PRKN: variants seen among roughly 807,000 people sequenced by gnomAD.
PRKN encodes the protein E3 ubiquitin-protein ligase parkin.
A neutral mutation model predicts 59.5 loss-of-function variants in PRKN; 56 were observed. The ratio of observed to expected loss-of-function variants is 0.94; its 90% CI spans 0.76 to 1.18. The LOEUF (loss-of-function observed/expected upper bound fraction) is 1.18, where lower values mean the gene tolerates loss of function less well. Ranked by LOEUF, PRKN falls within the 50% of genes most tolerant of loss-of-function variation. The pLI is 0.00. For missense variants in PRKN, 657 were observed against 596.4 expected (o/e 1.10, Z -1.06); for synonymous variants, 250 against 222.1 (o/e 1.13, Z -1.12).
chr6:162,570,711 G>A (rs1335273461), intron 1 of PRKN, among the ~76,000 whole-genome samples: 1 of 152,096 alleles, frequency 6.6e-6, no homozygotes, highest in African/African-American at 2.4e-5. Context: ...GCCAGGCAGA[G>A]AAAGACAAAC....
chr6:162,250,983 C>T (rs1779409452), intron 3 of PRKN, among the ~76,000 whole-genome samples: 2 of 152,030 alleles, frequency 1.3e-5, no homozygotes, highest in South Asian at 4.1e-4. Flanking sequence ...TGGATTATCC[C>T]ATCTTGGGAC....
chr6:162,568,518 CT>C lies in PRKN; in HGVS notation c.8-125046del. 3 of 715,476 alleles carry C rather than the reference CT, an allele frequency of 4.2e-6. No homozygotes were observed. In the Admixed American group the frequency reaches 5.6e-5, roughly 13 times the overall value. 44.3% of individuals were successfully genotyped at this position (715,476 alleles called of 1,614,324 possible). A position where few individuals can be genotyped will look rare whatever the true frequency, so the allele number is the denominator to read the frequency against. Reference sequence around the variant, plus strand: ...CACCGCCGTTGTGGTCAACCAGAGACTGCTGAGCCTCCTTAACCTGGAGGTG... The same window carrying C: ...CACCGCCGTTGTGGTCAACCAGAGACGCTGAGCCTCCTTAACCTGGAGGTG... On this transcript the variant is annotated intron_variant, in intron 1 of 11. Coordinates refer to ENST00000366898, the MANE Select transcript of PRKN (RefSeq NM_004562.3).
intron 5 of PRKN, among the ~76,000 whole-genome samples, chr6:162,044,751 A>T (rs930767864): frequency 4.6e-5 from 7 of 152,122 alleles, no homozygotes; most frequent in African/African-American, 1.4e-4. Flanking sequence ...AACCATGCCA[A>T]CATCACCACC....
At chr6:161,398,648 C>G (rs989317441) in intron 9 of PRKN, among the ~76,000 whole-genome samples, 1 of 152,174 alleles carries the variant, frequency 6.6e-6, no homozygotes, top group African/African-American at 2.4e-5. Flanking sequence ...ATTCACCTCT[C>G]CCTTGCTCTA....
chr6:161,708,153 C>CT lies in PRKN; in HGVS notation c.871+77618dup, dbSNP rs141516802. ...ATTATAATGATAGAATTAGTGAATA[C>CT]TAAGTTTAGTGAGAAGACCAGAATA... On this transcript the variant is annotated intron_variant, in intron 7 of 11. Transcript: ENST00000366898. Among the ~76,000 whole-genome samples, 413 of 152,094 alleles carry CT rather than the reference C, an allele frequency of 2.7e-3. 5 individuals are homozygous for CT. In the East Asian group the frequency reaches 0.033, roughly 12 times the overall value.
At chr6:162,718,868 C>A (rs1432743348) in intron 1 of PRKN, among the ~76,000 whole-genome samples, 1 of 152,128 alleles carries the variant, frequency 6.6e-6, no homozygotes, top group African/African-American at 2.4e-5. Flanking sequence ...TTGGTGACTT[C>A]TTTGAAATCA....
intron 4 of PRKN, among the ~76,000 whole-genome samples, chr6:162,102,293 G>A (rs1477571117): frequency 6.6e-6 from 1 of 152,072 alleles, no homozygotes; most frequent in Non-Finnish European, 1.5e-5. Context: ...GCGGTGTCTG[G>A]TTTTCTGTTC....
At position 161,428,226 on chromosome 6, in the gene PRKN, T is replaced by C. The variant is rs1256203985; in HGVS notation, c.1084-41349A>G. On this transcript the variant is annotated intron_variant, in intron 9 of 11. Coordinates refer to ENST00000366898, the MANE Select transcript of PRKN (RefSeq NM_004562.3). The surrounding 1 kb of genome is among the most constrained non-coding windows in gnomAD (Gnocchi z 4.0). ...TCACATTCTGAATGAAATACATTAA[T>C]AACTGGCTTAAAAGAATCCAATCCT... Among the ~76,000 whole-genome samples, 1 of 152,202 alleles carries C rather than the reference T, an allele frequency of 6.6e-6. No homozygotes were observed. Among genetic ancestry groups the C allele is most frequent in the African/African-American group, 2.4e-5 (1 of 41,448 alleles).
At chr6:161,421,749 A>C (rs553100391) in intron 9 of PRKN, among the ~76,000 whole-genome samples, 1 of 152,328 alleles carries the variant, frequency 6.6e-6, no homozygotes, top group African/African-American at 2.4e-5. Flanking sequence ...TGCAGGGTCT[A>C]CACAGAAGAA....
In PRKN at chr6:161,874,566, A is replaced by T. The variant is rs1321621869; in HGVS notation, c.735-88658T>A. Among the ~76,000 whole-genome samples the T allele has an allele frequency of 5.4e-4, 60 of 111,752 alleles. 6 individuals are homozygous for T. Among genetic ancestry groups the T allele is most frequent in the African/African-American group, 2.1e-3 (57 of 26,864 alleles). 73.3% of individuals were successfully genotyped at this position (111,752 alleles called of 152,430 possible). ...TATGTAAAATATATATTATATATAAAATATATATTATGTAAAATATATATT... is the reference window on the plus strand; with the variant it reads ...TATGTAAAATATATATTATATATAATATATATATTATGTAAAATATATATT... On this transcript the variant is annotated intron_variant, in intron 6 of 11. Coordinates refer to ENST00000366898, the MANE Select transcript of PRKN (RefSeq NM_004562.3).
intron 7 of PRKN, chr6:161,783,646 T>C (rs1467187520): frequency 2.0e-6 from 1 of 503,456 alleles, no homozygotes; most frequent in African/African-American, 2.0e-5. Flanking sequence ...TGTTTAGAAA[T>C]GTTTCTATTG....
At chr6:161,351,959 A>G (rs1784567938) in intron 11 of PRKN, among the ~76,000 whole-genome samples, 1 of 152,200 alleles carries the variant, frequency 6.6e-6, no homozygotes, top group Non-Finnish European at 1.5e-5. Context: ...TGTTAAACAT[A>G]GACTCCATGA....
chr6:162,164,506 C>T (rs1782896529), intron 4 of PRKN, among the ~76,000 whole-genome samples: 1 of 149,042 alleles, frequency 6.7e-6, no homozygotes, highest in South Asian at 2.1e-4. Context: ...GCCACCATGC[C>T]TGGCCTAATC....
intron 1 of PRKN, among the ~76,000 whole-genome samples, chr6:162,460,667 G>A (rs1484505255): frequency 2.0e-5 from 3 of 152,130 alleles, no homozygotes; most frequent in African/African-American, 7.2e-5. Context: ...GAATGAATGT[G>A]CATTCACTTC....
intron 2 of PRKN, among the ~76,000 whole-genome samples, chr6:162,307,471 T>C (rs1782286523): frequency 6.6e-6 from 1 of 150,632 alleles, no homozygotes; most frequent in Admixed American, 6.6e-5. Context: ...ATGTATTATG[T>C]ACATAATAAA....
chr6:161,892,791 T>C (rs1357596602), intron 6 of PRKN, among the ~76,000 whole-genome samples: 1 of 152,204 alleles, frequency 6.6e-6, no homozygotes, highest in African/African-American at 2.4e-5. Context: ...GGTCATTTTG[T>C]GAAATTGGTC....
At chr6:162,596,087 A>G (rs1465067581) in intron 1 of PRKN, among the ~76,000 whole-genome samples, 1 of 152,204 alleles carries the variant, frequency 6.6e-6, no homozygotes, top group East Asian at 1.9e-4. Context: ...AGATATCAAG[A>G]AGTCAAGACT....
At chr6:161,715,639 T>C (rs1483846842) in intron 7 of PRKN, among the ~76,000 whole-genome samples, 1 of 152,204 alleles carries the variant, frequency 6.6e-6, no homozygotes, top group African/African-American at 2.4e-5. Context: ...CGGTGAAAAC[T>C]AGAGGTTCAC....
intron 1 of PRKN, among the ~76,000 whole-genome samples, chr6:162,575,257 T>C (rs1344997214): frequency 6.6e-6 from 1 of 152,186 alleles, no homozygotes; most frequent in Non-Finnish European, 1.5e-5. Flanking sequence ...AACTACCTAC[T>C]GTGTTCTTCA....
Sources: gnomAD v4.1 joint callset for allele counts (sites outside exome capture counted in the v4.1 genomes callset) on GRCh38, gnomAD v4.1.1 for gene constraint, Gnocchi (gnomAD v3.1) non-coding constraint, MANE v1.5 for transcripts, NCBI Gene and HGNC (gene_info 2026-07-23, HGNC 2026-07-21) for gene names.